CABIN1: variants seen among roughly 807,000 people sequenced by gnomAD.
CABIN1 encodes calcineurin binding protein 1, also known as calcineurin-binding protein cabin-1.
In CABIN1, 133 loss-of-function variants were observed where a neutral mutation model predicts 227.7. That is an observed-to-expected ratio of 0.58 (90% confidence interval 0.51 to 0.67). The LOEUF (loss-of-function observed/expected upper bound fraction) is 0.67, where lower values mean the gene tolerates loss of function less well. Among genes scored for constraint, CABIN1 ranks in the 30% least tolerant of loss-of-function variants. CABIN1 has a pLI of 0.00. For missense variants in CABIN1, 2,408 were observed against 2,852.5 expected (o/e 0.84, Z 3.55); for synonymous variants, 1,086 against 1,155.1 (o/e 0.94, Z 1.21).
chr22:24,052,790 C>CAAA (rs933884374), intron 8 of CABIN1, among the ~76,000 whole-genome samples: 2 of 95,460 alleles, frequency 2.1e-5, no homozygotes, highest in Non-Finnish European at 4.5e-5. Flanking sequence ...ACCCCCATCT[C>CAAA]AAAAAAAAAA....
chr22:24,065,453 C>T (rs1320321398), intron 15 of CABIN1, among the ~76,000 whole-genome samples: 35 of 151,588 alleles, frequency 2.3e-4, no homozygotes, highest in Non-Finnish European at 4.3e-4. Flanking sequence ...GATGGGCGGC[C>T]GGGCAGAGAC....
intron 14 of CABIN1, 134 bp from the exon 15 acceptor site, chr22:24,063,901 G>C (rs1162912348): frequency 2.0e-5 from 20 of 1,003,774 alleles, no homozygotes; most frequent in East Asian, 1.9e-4. Context: ...CCTTTCTTAG[G>C]GGGGTACAGT....
intron 19 of CABIN1, among the ~76,000 whole-genome samples, chr22:24,081,752 T>A (rs548801302): frequency 2.0e-5 from 3 of 152,194 alleles, no homozygotes; most frequent in African/African-American, 7.2e-5. Flanking sequence ...TTGGGCCAGG[T>A]GCAGTGGCTC....
Position 24,091,743 on chromosome 22 carries a change from A to T in CABIN1, c.3686A>T (p.His1229Leu). 6.2e-7 allele frequency: 1 copy of T among 1,614,132 alleles called. No homozygotes were observed. Among genetic ancestry groups the T allele is most frequent in the South Asian group, 1.1e-5 (1 of 91,082 alleles). Residue 1229 changes from histidine (H) to leucine (L), a missense_variant, in exon 24 of 37, where the codon CAC becomes CTC. Physicochemically the swap from His to Leu is moderately conservative, Grantham distance 99. Coordinates refer to ENST00000263119, the MANE Select transcript of CABIN1 (RefSeq NM_012295.4). ...CAGCCACCCACCGTTTACTTGCTGC[A>T]CTACAGGCAGGCTGGCCACTACCTG... is the stretch of plus-strand genomic sequence containing the variant. ...QQQPPTVYLL[H>L]YRQAGHYLHE...
At chr22:24,140,106 G>A (rs2044663196) in intron 29 of CABIN1, among the ~76,000 whole-genome samples, 2 of 152,216 alleles carry the variant, frequency 1.3e-5, no homozygotes, top group South Asian at 2.1e-4. Flanking sequence ...AGGCACCCTC[G>A]GGGGAACTCC....
chr22:24,122,009 C>T (rs2147961777), intron 28 of CABIN1, among the ~76,000 whole-genome samples: 1 of 152,316 alleles, frequency 6.6e-6, no homozygotes, highest in Non-Finnish European at 1.5e-5. Context: ...TGGGGAAGGA[C>T]AGCAGGTTTG....
chr22:24,155,700 A>G (rs1361013274), intron 29 of CABIN1: 2 of 268,856 alleles, frequency 7.4e-6, no homozygotes, highest in Admixed American at 5.5e-5. Context: ...GGCGCCATTC[A>G]CATAGGCACC....
Position 24,161,796 on chromosome 22 carries a change from C to A in CABIN1, c.4747-2604C>A, listed in dbSNP as rs547017744. 6.6e-5 allele frequency among the ~76,000 whole-genome samples: 10 copies of A among 152,312 alleles called. No individual in the cohort carries two copies. In the East Asian group the frequency reaches 1.7e-3, roughly 26 times the overall value. On this transcript the variant is annotated intron_variant, in intron 29 of 36. Coordinates refer to ENST00000263119, the MANE Select transcript of CABIN1 (RefSeq NM_012295.4). ...GGGGCTTCTGCTGTGGCAGTTGGAA[C>A]CTGGCCATGCCCCTTCCTCCTGTGT...
intron 26 of CABIN1, among the ~76,000 whole-genome samples, chr22:24,102,638 G>A (rs929584404): frequency 1.3e-5 from 2 of 152,188 alleles, no homozygotes; most frequent in African/African-American, 4.8e-5. Flanking sequence ...GGGGTAAGAG[G>A]CCTTTCCGAG....
chr22:24,130,835 ACACT>A (rs1229557192), intron 28 of CABIN1, among the ~76,000 whole-genome samples: 1 of 152,156 alleles, frequency 6.6e-6, no homozygotes, highest in African/African-American at 2.4e-5. Context: ...CTGGAGAAAC[ACACT>A]CTCCACCAGT....
chr22:24,072,217 C>T, intron 17 of CABIN1, 137 bp from the exon 18 acceptor site: 4 of 793,984 alleles, frequency 5.0e-6, no homozygotes, highest in Non-Finnish European at 8.5e-6. Flanking sequence ...TGCTAGGTTA[C>T]AGTGCCCACA....
chr22:24,176,077 G>T lies in CABIN1; in HGVS notation c.6041-34G>T, dbSNP rs370328153. ...GCGTTGGAGCCTGCGGGGTGGATGAGTCTATTACCTGCAGTGAGCCCATGT... is the reference window on the plus strand; with the variant it reads ...GCGTTGGAGCCTGCGGGGTGGATGATTCTATTACCTGCAGTGAGCCCATGT... On this transcript the variant is annotated intron_variant, in intron 34 of 36. Transcript: ENST00000263119. 4 of 1,600,686 alleles carry T rather than the reference G, an allele frequency of 2.5e-6. No individual in the cohort carries two copies. The East Asian group carries it at 6.8e-5, about 27-fold the overall frequency.
At chr22:24,132,928 A>G (rs1373792195) in intron 28 of CABIN1, among the ~76,000 whole-genome samples, 1 of 152,136 alleles carries the variant, frequency 6.6e-6, no homozygotes, top group Admixed American at 6.5e-5. Flanking sequence ...TGTTCCTCCT[A>G]GGGTGCTAGA....
At chr22:24,054,216 G>A (rs745309538) in intron 8 of CABIN1, among the ~76,000 whole-genome samples, 8 of 152,128 alleles carry the variant, frequency 5.3e-5, no homozygotes, top group Admixed American at 3.3e-4. Context: ...AGCATACCAC[G>A]CAGCATAGTA....
chr22:24,059,491 A>C, intron 11 of CABIN1, 128 bp downstream of exon 11: 1 of 1,133,334 alleles, frequency 8.8e-7, no homozygotes, highest in Non-Finnish European at 1.3e-6. Context: ...GTCTGCCTGG[A>C]TTAGTCTTGG....
At chr22:24,056,576 C>T (rs139029960) in intron 10 of CABIN1, 4 of 580,542 alleles carry the variant, frequency 6.9e-6, no homozygotes, top group East Asian at 5.8e-5. Flanking sequence ...AAGTCAGGAG[C>T]TGTGACTTGT....
At chr22:24,090,593 C>A (rs573254712) in intron 23 of CABIN1, among the ~76,000 whole-genome samples, 1 of 149,472 alleles carries the variant, frequency 6.7e-6, no homozygotes, top group African/African-American at 2.5e-5. Flanking sequence ...TATTTCAGTC[C>A]TGGGGCCATT....
chr22:24,171,168 G>A (rs913880954), intron 33 of CABIN1, among the ~76,000 whole-genome samples: 2 of 152,212 alleles, frequency 1.3e-5, no homozygotes, highest in Non-Finnish European at 1.5e-5. Context: ...CAGGCTGCAG[G>A]GAGAGGCCAA....
intron 18 of CABIN1, among the ~76,000 whole-genome samples, chr22:24,075,847 A>G (rs1184416895): frequency 6.6e-6 from 1 of 152,094 alleles, no homozygotes; most frequent in South Asian, 2.1e-4. Context: ...TCAGATATGC[A>G]CAGATGGATG....
Sources: allele counts gnomAD v4.1 joint callset (sites outside exome capture counted in the v4.1 genomes callset), GRCh38; gene constraint gnomAD v4.1.1; transcripts MANE v1.5; gene names NCBI Gene and HGNC (gene_info 2026-07-23, HGNC 2026-07-21).